Variants in HERC1 observed in about 807,000 individuals in gnomAD.
The protein encoded by HERC1 is HECT and RLD domain containing E3 ubiquitin protein ligase family member 1.
A neutral mutation model predicts 554.3 loss-of-function variants in HERC1; 160 were observed. The observed-to-expected ratio is 0.29, with a 90% CI of 0.25 to 0.33. HERC1 has a LOEUF of 0.33. Ranked by LOEUF, HERC1 falls within the 10% of genes least tolerant of loss-of-function variation. The pLI, the probability that HERC1 is intolerant of heterozygous loss-of-function variation, is 1.00. For missense variants in HERC1, 4,919 were observed against 5,918.5 expected, an observed-to-expected ratio of 0.83 and a Z score of 5.54; for synonymous variants, 2,175 against 2,131.7, an observed-to-expected ratio of 1.02 and a Z score of -0.56.
intron 67 of HERC1, among the ~76,000 whole-genome samples, chr15:63,633,339 A>G (rs977445400): frequency 6.6e-6 from 1 of 152,282 alleles, no homozygotes; most frequent in African/African-American, 2.4e-5. Flanking sequence ...CACATAAAAC[A>G]ATCACATAGA....
intron 2 of HERC1, among the ~76,000 whole-genome samples, chr15:63,772,571 T>C (rs2075986495): frequency 6.6e-6 from 1 of 151,634 alleles, no homozygotes; most frequent in Non-Finnish European, 1.5e-5. Context: ...GAAAGGAGTA[T>C]AACATAAGAG....
intron 39 of HERC1, among the ~76,000 whole-genome samples, chr15:63,670,415 ACTTT>A (rs2070849787): frequency 1.3e-5 from 2 of 152,238 alleles, no homozygotes; most frequent in South Asian, 4.1e-4. Context: ...AGAACTAGGA[ACTTT>A]CTAAGTATCA....
intron 45 of HERC1, 99 bp from the exon 46 acceptor site, chr15:63,661,124 A>G: frequency 2.3e-6 from 2 of 852,902 alleles, no homozygotes; most frequent in Admixed American, 4.1e-5. Flanking sequence ...TCATTAATAA[A>G]GCAGCACAAA....
chr15:63,754,426 G>A (rs1413286730), intron 7 of HERC1, 79 bp downstream of exon 7: 3 of 1,075,250 alleles, frequency 2.8e-6, no homozygotes, highest in Non-Finnish European at 4.0e-6. Flanking sequence ...TTCTACACTA[G>A]GCATATATAA....
In HERC1 at chr15:63,775,658, GGAGAA is replaced by G. The variant is rs1567114655; in HGVS notation, c.-26-14_-26-10del. On this transcript the variant is annotated splice_polypyrimidine_tract_variant and intron_variant, in intron 1 of 77. Coordinates refer to ENST00000443617, the MANE Select transcript of HERC1 (RefSeq NM_003922.4). This position sits in a 1 kb window ranked among gnomAD's most constrained non-coding sequence, Gnocchi z 4.0. ...TCCTTCAGCCATTAGTCCTGCAAAG[GGAGAA>G]GAGAAAACAGTCAAAAACATACAGA... The G allele has an allele frequency of 1.3e-6, 2 of 1,496,578 alleles. No individual in the cohort carries two copies. The highest frequency in any genetic ancestry group is 2.1e-5 in the Admixed American group (1 of 46,694). The allele number at this position is 1,496,578 out of a possible 1,614,324, so 92.7% of individuals were successfully genotyped here. A position where few individuals can be genotyped will look rare whatever the true frequency, so the allele number is the denominator to read the frequency against.
chr15:63,638,813 T>A (rs957813759), intron 61 of HERC1, 37 bp from the exon 62 acceptor site: 1 of 1,489,666 alleles, frequency 6.7e-7, no homozygotes, highest in Middle Eastern at 1.7e-4. Context: ...CAATTCTGCT[T>A]AGGCAAGATG....
At chr15:63,825,768 A>AT (rs1302989633) in intron 1 of HERC1, among the ~76,000 whole-genome samples, 36 of 148,904 alleles carry the variant, frequency 2.4e-4, no homozygotes, top group East Asian at 3.9e-4. Context: ...AAAAATAATA[A>AT]TTTTTTTTTT....
At chr15:63,664,646 AG>A in intron 42 of HERC1, 52 bp from the exon 43 acceptor site, 1 of 1,549,288 alleles carries the variant, frequency 6.5e-7, no homozygotes, top group Non-Finnish European at 8.8e-7. Context: ...CATTATGGAA[AG>A]AAAGCATAGG....
chr15:63,649,828 T>C lies in HERC1; in HGVS notation c.10644A>G (p.Glu3548=). 1 of 1,613,480 alleles carries C rather than the reference T, an allele frequency of 6.2e-7. No individual in the cohort carries two copies. The highest frequency in any genetic ancestry group is 8.5e-7 in the Non-Finnish European group (1 of 1,179,694). The change falls in exon 54 of 78, where the codon GAA becomes GAG. Residue 3548 remains glutamate (E), a synonymous_variant. Coordinates refer to ENST00000443617, the MANE Select transcript of HERC1 (RefSeq NM_003922.4). ...PATAWSGESP[E]LLLVGRMDGS... is the part of the protein sequence containing the mutation. ...CATCCATCCGTCCCACCAACAACAA[T>C]TCTGGAGACTCTCCTGACCAGGCTG...
chr15:63,718,446 A>G lies in HERC1; in HGVS notation c.3978+128T>C. 1 of 758,568 alleles carries G rather than the reference A, an allele frequency of 1.3e-6. No individual in the cohort carries two copies. The highest frequency in any genetic ancestry group is 3.6e-5 in the Admixed American group (1 of 27,440). The allele number at this position is 758,568 out of a possible 1,614,324, so 47.0% of individuals were successfully genotyped here. Reference sequence around the variant, plus strand: ...TTCCTTTTTTTTTTTCTGCTAGGAAAAGAACTACTCAACATGTATTGAACA... The same window carrying G: ...TTCCTTTTTTTTTTTCTGCTAGGAAGAGAACTACTCAACATGTATTGAACA... On this transcript the variant is annotated intron_variant, in intron 21 of 77. Coordinates refer to ENST00000443617, the MANE Select transcript of HERC1 (RefSeq NM_003922.4). This position sits in a 1 kb window ranked among gnomAD's most constrained non-coding sequence, Gnocchi z 4.2.
intron 8 of HERC1, among the ~76,000 whole-genome samples, chr15:63,752,163 C>A (rs1465730732): frequency 6.6e-6 from 1 of 152,232 alleles, no homozygotes; most frequent in Admixed American, 6.5e-5. Context: ...TTTTAGAACA[C>A]AAGGCATTCT....
rs2075180358 is a variant in HERC1, at chr15:63,749,963, T to G, written c.1903-172A>C. 6.6e-6 allele frequency among the ~76,000 whole-genome samples: 1 copy of G among 152,268 alleles called. No individual in the cohort carries two copies. The highest frequency in any genetic ancestry group is 6.5e-5 in the Admixed American group (1 of 15,288). On this transcript the variant is annotated intron_variant, in intron 8 of 77. Coordinates refer to ENST00000443617, the MANE Select transcript of HERC1 (RefSeq NM_003922.4). The surrounding 1 kb of genome is among the most constrained non-coding windows in gnomAD (Gnocchi z 4.1). ...TGTTACAGCGATTTATCATGCTGCC[T>G]TTAGGCATTCACTGTATAGGCAGAA...
intron 1 of HERC1, among the ~76,000 whole-genome samples, chr15:63,801,606 A>AT (rs1165159471): frequency 5.9e-5 from 9 of 152,340 alleles, no homozygotes; most frequent in African/African-American, 2.2e-4. Flanking sequence ...AGCATAGGTA[A>AT]AGCACATAGA....
chr15:63,701,982 C>G (rs1171440358), intron 25 of HERC1, among the ~76,000 whole-genome samples: 1 of 152,008 alleles, frequency 6.6e-6, no homozygotes, highest in Admixed American at 6.6e-5. Flanking sequence ...AAAGAAAATA[C>G]AAAATCCAAC....
chr15:63,771,966 A>C (rs1052811314), intron 2 of HERC1, among the ~76,000 whole-genome samples: 1 of 152,022 alleles, frequency 6.6e-6, no homozygotes, highest in Non-Finnish European at 1.5e-5. Flanking sequence ...AAAATACAGA[A>C]ACAAAATTAG....
chr15:63,632,566 T>C (rs2068609146), intron 68 of HERC1, 143 bp downstream of exon 68: 1 of 697,946 alleles, frequency 1.4e-6, no homozygotes, highest in African/African-American at 1.8e-5. Flanking sequence ...AAGTGGAAAA[T>C]TATCTATACT....
rs544757328 is a variant in HERC1, at chr15:63,747,017, C to G, written c.2421G>C (p.Ala807=). 1,668 of 1,588,566 alleles carry G rather than the reference C, an allele frequency of 1.0e-3. 27 individuals are homozygous for G. In the South Asian group the frequency reaches 0.018, roughly 17 times the overall value. ...CGAGAATGCTGGTAGCTACCCCTCC[C>G]GCAAGTGCAAGAGCAAGGTGATTTG... The part of the protein sequence containing the change: ...LLSNHLALAL[A]GGVATSILGR... Residue 807 remains alanine (A), a synonymous_variant, in exon 12 of 78, where the codon GCG becomes GCC. Coordinates refer to ENST00000443617, the MANE Select transcript of HERC1 (RefSeq NM_003922.4).
At chr15:63,710,103 C>T (rs970543819) in intron 24 of HERC1, among the ~76,000 whole-genome samples, 3 of 152,310 alleles carry the variant, frequency 2.0e-5, no homozygotes, top group Non-Finnish European at 4.4e-5. Context: ...GTTCCAAAAG[C>T]AGGCAGGTGA....
chr15:63,661,059 A>G, intron 45 of HERC1, 34 bp from the exon 46 acceptor site: 1 of 1,528,014 alleles, frequency 6.5e-7, no homozygotes, highest in Non-Finnish European at 9.1e-7. Context: ...GCATTTTTAT[A>G]TAAAACAGTT....
Sources: allele counts gnomAD v4.1 joint callset (sites outside exome capture counted in the v4.1 genomes callset), GRCh38; gene constraint gnomAD v4.1.1; non-coding constraint Gnocchi (gnomAD v3.1); transcripts MANE v1.5; gene names NCBI Gene and HGNC (gene_info 2026-07-23, HGNC 2026-07-21).